JMY: variants seen among roughly 807,000 people sequenced by gnomAD.
JMY encodes the protein junction-mediating and -regulatory protein.
Under a neutral mutation model 103.3 loss-of-function variants are expected in JMY, and 46 were observed. The ratio of observed to expected loss-of-function variants is 0.45; its 90% CI spans 0.35 to 0.57. The LOEUF (loss-of-function observed/expected upper bound fraction) is 0.57, where lower values mean the gene tolerates loss of function less well. Ranked by LOEUF, JMY falls within the 20% of genes least tolerant of loss-of-function variation. JMY has a pLI of 0.00. For synonymous variants in JMY, 526 were observed against 489.3 expected (o/e 1.07, Z -0.99); for missense variants, 1,238 against 1,255.2 (o/e 0.99, Z 0.21).
intron 10 of JMY, among the ~76,000 whole-genome samples, chr5:79,317,754 A>C (rs113964576): frequency 0.013 from 1,947 of 152,276 alleles, 41 homozygotes; most frequent in African/African-American, 0.043. Context: ...GCTGGAGTGC[A>C]GTGGCACGTT....
At chr5:79,294,202 A>C in intron 4 of JMY, among the ~76,000 whole-genome samples, 1 of 151,580 alleles carries the variant, frequency 6.6e-6, no homozygotes, top group East Asian at 2.0e-4. Flanking sequence ...TCAGGAGTTC[A>C]AGACCAGCCT....
intron 1 of JMY, among the ~76,000 whole-genome samples, chr5:79,250,824 G>A (rs1446551934): frequency 6.6e-6 from 1 of 151,428 alleles, no homozygotes; most frequent in Non-Finnish European, 1.5e-5. Context: ...GCAAGATGTT[G>A]TATTTTAATA....
chr5:79,314,640 T>TCCCCCCCC lies in JMY; in HGVS notation c.2450_2451insCCCCCCCC (p.Pro820LeufsTer71). On this transcript the variant is annotated frameshift_variant, in exon 9 of 11. Coordinates refer to ENST00000396137, the MANE Select transcript of JMY (RefSeq NM_152405.5). LOFTEE classifies it high-confidence loss of function. ...CTCCAACACCACCACCTCCCCCACC[T>TCCCCCCCC]CCTCCCCCTCCCCCACCACCACCAC... 1 of 453,144 alleles carries TCCCCCCCC rather than the reference T, an allele frequency of 2.2e-6. No homozygotes were observed. The highest frequency in any genetic ancestry group is 2.3e-5 in the South Asian group (1 of 43,936). The allele number at this position is 453,144 out of a possible 1,614,324, so 28.1% of individuals were successfully genotyped here.
rs781109619 is a variant in JMY, at chr5:79,300,227, A to T, written c.1602A>T (p.Gln534His). 6.2e-7 allele frequency: 1 copy of T among 1,608,188 alleles called. No homozygotes were observed. The highest frequency in any genetic ancestry group is 8.5e-7 in the Non-Finnish European group (1 of 1,177,502). ...TAGAAGCTGATTATTATGATCTGCA[A>T]CTTCAGTTGTATGAAGTACAGTTTG... is the stretch of plus-strand genomic sequence containing the variant. ...DQLEADYYDL[Q>H]LQLYEVQFEI... The change falls in exon 5 of 11, where the codon CAA becomes CAT. Residue 534 changes from glutamine (Q) to histidine (H), a missense_variant. By Grantham distance (24) the Gln-to-His change is conservative. Transcript: ENST00000396137.
intron 1 of JMY, among the ~76,000 whole-genome samples, chr5:79,267,551 C>T (rs1046327648): frequency 2.6e-5 from 4 of 152,230 alleles, no homozygotes; most frequent in Admixed American, 6.5e-5. Context: ...CTTTTTGCAG[C>T]TTGATAGTTC....
chr5:79,236,391 G>A lies in JMY; in HGVS notation c.-260G>A. ...GAGGCGCTGCGGCAGCGCGGAGCTT[G>A]TAAACAGATCCGGCCGCAGGTGACC... is the stretch of plus-strand genomic sequence containing the variant. On this transcript the variant is annotated 5_prime_UTR_variant, in exon 1 of 11. Coordinates refer to ENST00000396137, the MANE Select transcript of JMY (RefSeq NM_152405.5). 1 of 324,042 alleles carries A rather than the reference G, an allele frequency of 3.1e-6. No individual in the cohort carries two copies. Among genetic ancestry groups the A allele is most frequent in the Non-Finnish European group, 5.6e-6 (1 of 178,568 alleles). The allele number at this position is 324,042 out of a possible 1,614,324, so 20.1% of individuals were successfully genotyped here. A position where few individuals can be genotyped will look rare whatever the true frequency, so the allele number is the denominator to read the frequency against.
chr5:79,293,305 A>G (rs1286967871), intron 4 of JMY, among the ~76,000 whole-genome samples: 1 of 152,142 alleles, frequency 6.6e-6, no homozygotes, highest in Non-Finnish European at 1.5e-5. Context: ...TTACCTAAGC[A>G]GGCAAAATTC....
At chr5:79,254,887 A>C (rs914758701) in intron 1 of JMY, among the ~76,000 whole-genome samples, 1 of 149,314 alleles carries the variant, frequency 6.7e-6, no homozygotes, top group South Asian at 2.1e-4. Context: ...CAAGCTCACT[A>C]TTTCTTTCTT....
At chr5:79,284,150 T>G in intron 2 of JMY, 1 of 1,560,888 alleles carries the variant, frequency 6.4e-7, no homozygotes, top group Non-Finnish European at 8.7e-7. Context: ...ATTCTTGGAC[T>G]GGTGGTTCAA....
intron 1 of JMY, among the ~76,000 whole-genome samples, chr5:79,252,591 G>C (rs2112054508): frequency 6.6e-6 from 1 of 152,138 alleles, no homozygotes; most frequent in East Asian, 1.9e-4. Context: ...ACTGTATTGA[G>C]GCCTCTCTCT....
At position 79,236,596 on chromosome 5, in the gene JMY, T is replaced by C; in HGVS notation, c.-55T>C. The C allele has an allele frequency of 1.5e-6, 2 of 1,290,744 alleles. No individual in the cohort carries two copies. Among genetic ancestry groups the C allele is most frequent in the Non-Finnish European group, 2.0e-6 (2 of 1,003,604 alleles). The allele number at this position is 1,290,744 out of a possible 1,614,324, so 80.0% of individuals were successfully genotyped here. A position where few individuals can be genotyped will look rare whatever the true frequency, so the allele number is the denominator to read the frequency against. Reference sequence around the variant, plus strand: ...GGGGCGCGGCGCAGCCAGCGGGGAGTCCTCGGGCGGGCCGGGCCGGCGGCC... The same window carrying C: ...GGGGCGCGGCGCAGCCAGCGGGGAGCCCTCGGGCGGGCCGGGCCGGCGGCC... On this transcript the variant is annotated 5_prime_UTR_variant, in exon 1 of 11. Coordinates refer to ENST00000396137, the MANE Select transcript of JMY (RefSeq NM_152405.5).
At chr5:79,258,305 GT>G (rs199879072) in intron 1 of JMY, among the ~76,000 whole-genome samples, 8 of 117,026 alleles carry the variant, frequency 6.8e-5, no homozygotes, top group Non-Finnish European at 1.3e-4. Context: ...GGCTTTTTTT[GT>G]TTTTGTTGTT....
chr5:79,261,278 T>C (rs1685005988), intron 1 of JMY, among the ~76,000 whole-genome samples: 1 of 152,180 alleles, frequency 6.6e-6, no homozygotes, highest in African/African-American at 2.4e-5. Flanking sequence ...AGCATATCCT[T>C]ACAGGTGCAG....
chr5:79,286,283 ACAAAGTACAAGTTACTTT>A (rs1202494019), intron 2 of JMY, among the ~76,000 whole-genome samples: 3 of 152,196 alleles, frequency 2.0e-5, no homozygotes, highest in African/African-American at 7.2e-5. Flanking sequence ...TTAATCCACA[ACAAAGTACAAGTTACTTT>A]CAAATAACTT....
intron 1 of JMY, among the ~76,000 whole-genome samples, chr5:79,244,132 C>G (rs1744822241): frequency 6.6e-6 from 1 of 151,726 alleles, no homozygotes; most frequent in South Asian, 2.1e-4. Context: ...TCCTGAGTAA[C>G]TGGGATTACA....
At chr5:79,247,111 AAG>A (rs1196303406) in intron 1 of JMY, among the ~76,000 whole-genome samples, 2 of 152,248 alleles carry the variant, frequency 1.3e-5, no homozygotes, top group Non-Finnish European at 2.9e-5. Context: ...TCCCTGTAGA[AAG>A]AGAGTGAGGA....
chr5:79,276,756 G>A (rs942674831), intron 1 of JMY, among the ~76,000 whole-genome samples: 2 of 151,966 alleles, frequency 1.3e-5, no homozygotes, highest in African/African-American at 2.4e-5. Flanking sequence ...ACAGGTGCAC[G>A]CCACTACACC....
rs1340378838 is a variant in JMY, at chr5:79,325,771, AT to A, written c.*4170del. ...ATGAAGCAATGGTATTTTTTATCCGATATAGTGTAATTTAAAAGTTTTCCTA... is the reference window on the plus strand; with the variant it reads ...ATGAAGCAATGGTATTTTTTATCCGAATAGTGTAATTTAAAAGTTTTCCTA... On this transcript the variant is annotated 3_prime_UTR_variant, in exon 11 of 11. Coordinates refer to ENST00000396137, the MANE Select transcript of JMY (RefSeq NM_152405.5). 2.0e-5 allele frequency: 3 copies of A among 152,118 alleles called. No individual in the cohort carries two copies. The highest frequency in any genetic ancestry group is 7.2e-5 in the African/African-American group (3 of 41,408). The allele number at this position is 152,118 out of a possible 1,614,324, so 9.4% of individuals were successfully genotyped here.
intron 7 of JMY, among the ~76,000 whole-genome samples, chr5:79,307,482 C>CGT (rs1366729231): frequency 6.6e-6 from 1 of 151,642 alleles, no homozygotes; most frequent in Non-Finnish European, 1.5e-5. Context: ...TGTGTGGGTG[C>CGT]GTGTGTGTGT....
Sources: allele counts gnomAD v4.1 joint callset (sites outside exome capture counted in the v4.1 genomes callset), GRCh38; gene constraint gnomAD v4.1.1; transcripts MANE v1.5; gene names NCBI Gene and HGNC (gene_info 2026-07-23, HGNC 2026-07-21).